DLC1: variants seen among roughly 807,000 people sequenced by gnomAD.
DLC1 encodes DLC1 Rho GTPase activating protein.
A neutral mutation model predicts 140.3 loss-of-function variants in DLC1; 54 were observed. The ratio of observed to expected loss-of-function variants is 0.38; its 90% confidence interval spans 0.31 to 0.48. The LOEUF (loss-of-function observed/expected upper bound fraction) is 0.48, where lower values mean the gene tolerates loss of function less well. Ranked by LOEUF, DLC1 falls within the 20% of genes least tolerant of loss-of-function variation. DLC1 has a pLI of 0.96. For missense variants in DLC1, 2,536 were observed against 1,907.0 expected, an observed-to-expected ratio of 1.33 and a Z score of -6.14; for synonymous variants, 986 against 728.1, an observed-to-expected ratio of 1.35 and a Z score of -5.70.
chr8:13,576,348 T>G (rs1474091894), intron 1 of DLC1, among the ~76,000 whole-genome samples: 1 of 152,192 alleles, frequency 6.6e-6, no homozygotes, highest in African/African-American at 2.4e-5. Flanking sequence ...GAGTGCCTAT[T>G]GTATTGCAAT....
chr8:13,287,036 A>G (rs1563225697), intron 5 of DLC1, among the ~76,000 whole-genome samples: 1 of 152,122 alleles, frequency 6.6e-6, no homozygotes, highest in African/African-American at 2.4e-5. Context: ...TTTTGTACAG[A>G]TTCTTTTGTG....
intron 1 of DLC1, among the ~76,000 whole-genome samples, chr8:13,590,915 G>A (rs565211683): frequency 3.9e-5 from 6 of 151,986 alleles, no homozygotes; most frequent in Non-Finnish European, 8.8e-5. Context: ...CTCAGAAAAG[G>A]AATGACAAAA....
intron 5 of DLC1, among the ~76,000 whole-genome samples, chr8:13,282,884 C>T (rs1245082353): frequency 6.6e-6 from 1 of 152,146 alleles, no homozygotes; most frequent in Non-Finnish European, 1.5e-5. Context: ...AGAAGACTTC[C>T]TTCTGAGGAA....
chr8:13,545,586 C>G (rs1402250611), intron 1 of DLC1, among the ~76,000 whole-genome samples: 1 of 151,966 alleles, frequency 6.6e-6, no homozygotes. Context: ...TTGTTGAACT[C>G]TATTTGTGTA....
chr8:13,176,126 T>G (rs1825746019), intron 5 of DLC1, among the ~76,000 whole-genome samples: 1 of 152,230 alleles, frequency 6.6e-6, no homozygotes, highest in South Asian at 2.1e-4. Flanking sequence ...TTCAGAAACA[T>G]AAAATATATT....
chr8:13,409,691 T>C (rs1837704803), intron 2 of DLC1, among the ~76,000 whole-genome samples: 1 of 152,184 alleles, frequency 6.6e-6, no homozygotes, highest in African/African-American at 2.4e-5. Flanking sequence ...TCAAGAGCAA[T>C]GTGACTCCAA....
chr8:13,363,247 T>C (rs1835321684), intron 4 of DLC1, among the ~76,000 whole-genome samples: 1 of 152,250 alleles, frequency 6.6e-6, no homozygotes, highest in South Asian at 2.1e-4. Context: ...CTGCCACTTG[T>C]ATATTTGCTC....
intron 5 of DLC1, among the ~76,000 whole-genome samples, chr8:13,158,218 G>T (rs1362319302): frequency 6.6e-6 from 1 of 152,050 alleles, no homozygotes; most frequent in Admixed American, 6.5e-5. Context: ...CATCAAGAGG[G>T]GTTAATTGTG....
rs574257267 is a variant in DLC1 at position 13,201,602 on chromosome 8, C to T, written c.1349-85945G>A. Among the ~76,000 whole-genome samples, 4 of 152,054 alleles carry T rather than the reference C, an allele frequency of 2.6e-5. No individual in the cohort carries two copies. The East Asian group carries it at 7.8e-4, about 29-fold the overall frequency. On this transcript the variant is annotated intron_variant, in intron 5 of 17. Transcript: ENST00000276297. ...AGTCACCATTCAAGTTATTTAAGTA[C>T]TATTGCAATTTAATGATTCAGGAGA...
chr8:13,413,228 T>C (rs1174502427), intron 2 of DLC1, among the ~76,000 whole-genome samples: 1 of 147,320 alleles, frequency 6.8e-6, no homozygotes, highest in East Asian at 2.0e-4. Flanking sequence ...TCGTAAACTT[T>C]CTTAAAACAT....
chr8:13,253,732 G>A (rs1830102705), intron 5 of DLC1, among the ~76,000 whole-genome samples: 1 of 152,188 alleles, frequency 6.6e-6, no homozygotes, highest in African/African-American at 2.4e-5. Context: ...GCTGGAGAGT[G>A]GGCTTAGGAA....
At chr8:13,121,687 T>C (rs1343147562) in intron 5 of DLC1, among the ~76,000 whole-genome samples, 1 of 151,640 alleles carries the variant, frequency 6.6e-6, no homozygotes, top group Non-Finnish European at 1.5e-5. Flanking sequence ...TAGCTGGGAC[T>C]ACAGGTGTGT....
chr8:13,587,280 C>T (rs1184696286), intron 1 of DLC1, among the ~76,000 whole-genome samples: 1 of 148,156 alleles, frequency 6.7e-6, no homozygotes, highest in South Asian at 2.1e-4. Flanking sequence ...TTAGTGTAAC[C>T]ATAGCCAAGA....
At chr8:13,475,558 C>A (rs1039036237) in intron 2 of DLC1, among the ~76,000 whole-genome samples, 1 of 152,100 alleles carries the variant, frequency 6.6e-6, no homozygotes, top group African/African-American at 2.4e-5. Flanking sequence ...TGAATAGCGA[C>A]CATAGAAAAT....
chr8:13,232,064 C>T (rs1007455547), intron 5 of DLC1, among the ~76,000 whole-genome samples: 7 of 152,168 alleles, frequency 4.6e-5, no homozygotes, highest in African/African-American at 1.7e-4. Flanking sequence ...TCAGTGTGGT[C>T]GCAGTTGTGC....
chr8:13,188,692 C>G (rs1826533714), intron 5 of DLC1, among the ~76,000 whole-genome samples: 1 of 143,000 alleles, frequency 7.0e-6, no homozygotes, highest in Non-Finnish European at 1.5e-5. Flanking sequence ...GCAACTTCGT[C>G]CAACTGGGTT....
rs1207260279 is a variant in DLC1 at position 13,099,793 on chromosome 8, G to A, written c.2544C>T (p.His848=). ...WRTGSFHGPG[H]ISLRRENSSD... ...TACTGTTTTCCCTCCTGAGGCTGAT[G>A]TGGCCAGGGCCGTGGAAGCTTCCCG... Residue 848 remains histidine (H), a synonymous_variant, in exon 9 of 18, where the codon CAC becomes CAT. Transcript: ENST00000276297. 1 of 1,614,156 alleles carries A rather than the reference G, an allele frequency of 6.2e-7. No homozygotes were observed. The highest frequency in any genetic ancestry group is 8.5e-7 in the Non-Finnish European group (1 of 1,180,036).
At chr8:13,405,885 TTTTC>T (rs1027529286) in intron 2 of DLC1, among the ~76,000 whole-genome samples, 5 of 147,834 alleles carry the variant, frequency 3.4e-5, no homozygotes, top group Admixed American at 6.7e-5. Context: ...TTTTCTTTTC[TTTTC>T]TTTCTTTCTT....
chr8:13,160,748 T>C (rs1020144574), intron 5 of DLC1, among the ~76,000 whole-genome samples: 63 of 152,142 alleles, frequency 4.1e-4, no homozygotes, highest in African/African-American at 1.4e-3. Flanking sequence ...TCAATGTTTT[T>C]GTGAAACTAC....
Sources: gnomAD v4.1 joint callset for allele counts (sites outside exome capture counted in the v4.1 genomes callset) on GRCh38, gnomAD v4.1.1 for gene constraint, MANE v1.5 for transcripts, NCBI Gene and HGNC (gene_info 2026-07-23, HGNC 2026-07-21) for gene names.